The following CTNNA1 variants were observed in gnomAD, a reference collection of about 807,000 sequenced individuals.
The protein encoded by CTNNA1 is catenin alpha 1.
Under a neutral mutation model 98.4 loss-of-function variants are expected in CTNNA1, and 37 were observed. The observed-to-expected ratio is 0.38, with a 90% CI of 0.29 to 0.49. CTNNA1 has a LOEUF of 0.49. Ranked by LOEUF, CTNNA1 falls within the 20% of genes least tolerant of loss-of-function variation. The probability of loss-of-function intolerance (pLI) is 0.95; values close to 1 mark genes in which losing one functional copy is unlikely to be tolerated. For synonymous variants in CTNNA1, 404 were observed against 413.2 expected, an observed-to-expected ratio of 0.98 and a Z score of 0.27; for missense variants, 761 against 1,147.2, an observed-to-expected ratio of 0.66 and a Z score of 4.86.
chr5:138,810,144 C>A lies in CTNNA1; in HGVS notation c.408C>A (p.Thr136=). The change falls in exon 4 of 18, where the codon ACC becomes ACA. Residue 136 remains threonine (T), a synonymous_variant. Coordinates refer to ENST00000302763, the MANE Select transcript of CTNNA1 (RefSeq NM_001903.5). ...CTCGAGCTTTGCTCTCTGCTGTTAC[C>A]CGGTTGCTGATTTTGGCTGACATGG... ...RAARALLSAV[T]RLLILADMAD... The A allele has an allele frequency of 6.2e-7, 1 of 1,614,154 alleles. No individual in the cohort carries two copies. Among genetic ancestry groups the A allele is most frequent in the Non-Finnish European group, 8.5e-7 (1 of 1,180,016 alleles).
rs147121847 is a variant in CTNNA1, at chr5:138,882,159, A to G, written c.1063-4053A>G. Among the ~76,000 whole-genome samples the G allele has an allele frequency of 7.2e-4, 109 of 152,358 alleles. 1 individual carries two copies. Among genetic ancestry groups the G allele is most frequent in the Admixed American group, 4.1e-3 (63 of 15,310 alleles). On this transcript the variant is annotated intron_variant, in intron 7 of 17. Coordinates refer to ENST00000302763, the MANE Select transcript of CTNNA1 (RefSeq NM_001903.5). ...TGATTTGAGAAGGTCTTTGAGAGGA[A>G]ACATGAGATGGTGTGGTAGCATTCT...
At chr5:138,826,149 C>T (rs1760694912) in intron 6 of CTNNA1, among the ~76,000 whole-genome samples, 1 of 152,026 alleles carries the variant, frequency 6.6e-6, no homozygotes, top group South Asian at 2.1e-4. Flanking sequence ...AATAACCTAA[C>T]CTTACAAAAA....
At chr5:138,767,192 C>G (rs530180416) in intron 1 of CTNNA1, among the ~76,000 whole-genome samples, 1 of 152,074 alleles carries the variant, frequency 6.6e-6, no homozygotes, top group Non-Finnish European at 1.5e-5. Context: ...CCCGCCATCA[C>G]GCCTGGCTAA....
rs576347133 is a variant in CTNNA1, at chr5:138,853,307, T to A, written c.1062+25589T>A. 3.9e-5 allele frequency among the ~76,000 whole-genome samples: 6 copies of A among 152,336 alleles called. No homozygotes were observed. In the East Asian group the frequency reaches 1.2e-3, roughly 29 times the overall value. On this transcript the variant is annotated intron_variant, in intron 7 of 17. Transcript: ENST00000302763. Reference sequence around the variant, plus strand: ...TGTTGAATTCAAATAATCTTTTTAATGTACTTGTAAGTCATTGGATTTGCT... The same window carrying A: ...TGTTGAATTCAAATAATCTTTTTAAAGTACTTGTAAGTCATTGGATTTGCT...
At chr5:138,917,936 T>C (rs758104638) in intron 11 of CTNNA1, 38 bp downstream of exon 11, 1 of 1,602,378 alleles carries the variant, frequency 6.2e-7, no homozygotes, top group Non-Finnish European at 8.5e-7. Context: ...TGTGAAGATG[T>C]TCATAATTAC....
intron 1 of CTNNA1, among the ~76,000 whole-genome samples, chr5:138,761,319 C>G (rs1392622339): frequency 6.6e-6 from 1 of 151,974 alleles, no homozygotes; most frequent in African/African-American, 2.4e-5. Flanking sequence ...ACTGCAACCT[C>G]CACTTCCTGA....
chr5:138,766,765 A>T (rs1752981969), intron 1 of CTNNA1, among the ~76,000 whole-genome samples: 1 of 152,128 alleles, frequency 6.6e-6, no homozygotes, highest in Admixed American at 6.6e-5. Flanking sequence ...TGAGGAACTC[A>T]GCTTTGCAGT....
chr5:138,846,576 C>T (rs1390073047), intron 7 of CTNNA1, among the ~76,000 whole-genome samples: 20 of 152,124 alleles, frequency 1.3e-4, no homozygotes, highest in African/African-American at 2.2e-4. Flanking sequence ...TTTTGAAACA[C>T]GGCCTGTGTC....
intron 3 of CTNNA1, among the ~76,000 whole-genome samples, chr5:138,794,066 G>T (rs1756669266): frequency 7.1e-6 from 1 of 140,634 alleles, no homozygotes; most frequent in East Asian, 2.1e-4. Context: ...CGCCCAGGCT[G>T]AAGTGCAGTG....
At position 138,907,650 on chromosome 5, in the gene CTNNA1, G is replaced by A. The variant is rs576212072; in HGVS notation, c.1389+3209G>A. Among the ~76,000 whole-genome samples, 13 of 152,344 alleles carry A rather than the reference G, an allele frequency of 8.5e-5. No homozygotes were observed. In the East Asian group the frequency reaches 2.5e-3, roughly 29 times the overall value. On this transcript the variant is annotated intron_variant, in intron 10 of 17. Transcript: ENST00000302763. ...CTAGGCAAGTTAATCAACATGTTAG[G>A]TAACTAGGGTAGTTAGTTAATTCAC...
intron 7 of CTNNA1, among the ~76,000 whole-genome samples, chr5:138,856,272 C>A (rs1763715630): frequency 6.6e-6 from 1 of 152,132 alleles, no homozygotes; most frequent in Admixed American, 6.5e-5. Context: ...ATAAGATACT[C>A]TTTTGTAGTG....
At chr5:138,774,484 C>G (rs182949736) in intron 1 of CTNNA1, among the ~76,000 whole-genome samples, 319 of 152,226 alleles carry the variant, frequency 2.1e-3, no homozygotes, top group African/African-American at 6.4e-3. Flanking sequence ...TAAAGATTGC[C>G]TGGAGTTGAT....
At chr5:138,905,176 G>A (rs189936156) in intron 10 of CTNNA1, among the ~76,000 whole-genome samples, 294 of 151,928 alleles carry the variant, frequency 1.9e-3, no homozygotes, top group Non-Finnish European at 2.9e-3. Context: ...TGTAGTCCCA[G>A]CCACTCAGGA....
chr5:138,919,967 ATTTTTT>A (rs34990349), intron 11 of CTNNA1, among the ~76,000 whole-genome samples: 27 of 79,436 alleles, frequency 3.4e-4, no homozygotes, highest in African/African-American at 1.1e-3. Flanking sequence ...AGCTTTGGCA[ATTTTTT>A]TTTTTTTTTT....
chr5:138,777,642 G>T (rs565740668), intron 1 of CTNNA1, among the ~76,000 whole-genome samples: 1 of 151,028 alleles, frequency 6.6e-6, no homozygotes, highest in Non-Finnish European at 1.5e-5. Context: ...GATCACTCGC[G>T]GTTAGGAGCT....
At chr5:138,769,595 C>T (rs988916904) in intron 1 of CTNNA1, among the ~76,000 whole-genome samples, 2 of 150,750 alleles carry the variant, frequency 1.3e-5, no homozygotes, top group East Asian at 2.0e-4. Context: ...TGCAATGGTG[C>T]GATCTTGGCT....
intron 13 of CTNNA1, among the ~76,000 whole-genome samples, chr5:138,928,867 G>A (rs1203168248): frequency 5.3e-5 from 8 of 152,102 alleles, no homozygotes; most frequent in South Asian, 2.1e-4. Context: ...CCCGGGAGGC[G>A]GAGGTTGCAT....
chr5:138,860,538 A>G (rs1296075562), intron 7 of CTNNA1, among the ~76,000 whole-genome samples: 2 of 151,826 alleles, frequency 1.3e-5, no homozygotes, highest in African/African-American at 4.8e-5. Context: ...GTCTTGCTCT[A>G]TCTCTGGAGT....
At chr5:138,830,535 G>A (rs779963689) in intron 7 of CTNNA1, among the ~76,000 whole-genome samples, 10 of 152,222 alleles carry the variant, frequency 6.6e-5, no homozygotes, top group Admixed American at 1.3e-4. Flanking sequence ...GAGGATAAAC[G>A]GTGAGGGCAG....
Sources: allele counts gnomAD v4.1 joint callset (sites outside exome capture counted in the v4.1 genomes callset), GRCh38; gene constraint gnomAD v4.1.1; transcripts MANE v1.5; gene names NCBI Gene and HGNC (gene_info 2026-07-23, HGNC 2026-07-21).